The following ATRX variants were observed in gnomAD, a reference collection of about 807,000 sequenced individuals.
ATRX encodes the protein ATRX chromatin remodeler.
In ATRX, 12 loss-of-function variants were observed where a neutral mutation model predicts 172.6. That is an observed-to-expected ratio of 0.07 (90% CI 0.04 to 0.11). The LOEUF is 0.11. Ranked by LOEUF, ATRX falls within the 10% of genes least tolerant of loss-of-function variation. The pLI, the probability that ATRX is intolerant of heterozygous loss-of-function variation, is 1.00. For missense variants in ATRX, 1,368 were observed against 1,767.4 expected, an observed-to-expected ratio of 0.77 and a Z score of 4.05; for synonymous variants, 674 against 594.7, an observed-to-expected ratio of 1.13 and a Z score of -1.94.
chrX:77,771,503 G>A (rs111727394), intron 1 of ATRX, among the ~76,000 whole-genome samples: 1,493 of 109,547 alleles, frequency 0.014, 20 homozygotes, highest in African/African-American at 0.047. Context: ...CTCCTCTACC[G>A]TATCTCTAGA....
At position 77,600,408 on chromosome X, in the gene ATRX, C is replaced by T. The variant is rs200879233; in HGVS notation, c.5697+26G>A. The T allele has an allele frequency of 5.8e-6, 7 of 1,205,663 alleles. No individual in the cohort carries two copies. The East Asian group carries it at 8.9e-5, about 15-fold the overall frequency. ...AAGTTTATTCTGCTTCCAATAGATG[C>T]TTTTAAACTAAGTTACCTGACTTAC... On this transcript the variant is annotated intron_variant, in intron 23 of 34. Coordinates refer to ENST00000373344, the MANE Select transcript of ATRX (RefSeq NM_000489.6).
At chrX:77,565,068 T>A (rs1414482332) in intron 28 of ATRX, among the ~76,000 whole-genome samples, 1 of 111,087 alleles carries the variant, frequency 9.0e-6, no homozygotes, top group African/African-American at 3.3e-5. Context: ...TATACCACCA[T>A]CCAATAATAA....
At chrX:77,606,419 C>T (rs2066904816) in intron 22 of ATRX, among the ~76,000 whole-genome samples, 1 of 111,069 alleles carries the variant, frequency 9.0e-6, no homozygotes, top group East Asian at 2.8e-4. Flanking sequence ...AGAAGGAATA[C>T]TTCCAAATTC....
At chrX:77,552,863 T>C (rs188485681) in intron 30 of ATRX, among the ~76,000 whole-genome samples, 210 of 110,849 alleles carry the variant, frequency 1.9e-3, no homozygotes, top group African/African-American at 6.4e-3. Flanking sequence ...TAATCACATA[T>C]CAAGTAAGTT....
intron 12 of ATRX, among the ~76,000 whole-genome samples, chrX:77,657,328 T>C (rs1335160094): frequency 9.0e-6 from 1 of 111,667 alleles, no homozygotes; most frequent in East Asian, 2.8e-4. Flanking sequence ...CAATTTTCTT[T>C]TTCTCACAAT....
chrX:77,614,327 C>A (rs1282392892), intron 22 of ATRX, among the ~76,000 whole-genome samples: 1 of 111,771 alleles, frequency 8.9e-6, no homozygotes, highest in Non-Finnish European at 1.9e-5. Context: ...GAATGTTTTT[C>A]AAAGAGGCTA....
At chrX:77,674,013 C>T (rs1425104700) in intron 10 of ATRX, 4 of 110,870 alleles carry the variant, frequency 3.6e-5, no homozygotes, top group African/African-American at 6.5e-5. Context: ...AATACACTAT[C>T]GCTTCATAAA....
intron 22 of ATRX, among the ~76,000 whole-genome samples, chrX:77,608,647 A>C (rs2067024026): frequency 8.9e-6 from 1 of 111,891 alleles, no homozygotes; most frequent in Admixed American, 9.5e-5. Flanking sequence ...AAGAGAAACC[A>C]CTGGAGAAAC....
intron 28 of ATRX, among the ~76,000 whole-genome samples, chrX:77,569,255 T>C (rs1557066182): frequency 9.0e-6 from 1 of 111,641 alleles, no homozygotes; most frequent in Non-Finnish European, 1.9e-5. Context: ...CTACTAACTA[T>C]ATTACTCTTA....
At position 77,682,190 on chromosome X, in the gene ATRX, T is replaced by C; in HGVS notation, c.3066A>G (p.Arg1022=). Residue 1022 remains arginine, a synonymous_variant, in exon 9 of 35, where the codon CGA becomes CGG. Transcript: ENST00000373344. ...CCTTAGGAAAATGACAAATTTCTTC[T>C]CGCTCAGGTAACTTTTCAGTGCCAT... ...SSDGTEKLPE[R]EEICHFPKGI... is the part of the protein sequence containing the mutation. 1.7e-6 allele frequency: 2 copies of C among 1,211,497 alleles called. No homozygotes were observed. The highest frequency in any genetic ancestry group is 1.8e-5 in the South Asian group (1 of 56,849).
intron 27 of ATRX, among the ~76,000 whole-genome samples, chrX:77,582,589 A>G (rs1557074665): frequency 9.0e-6 from 1 of 111,212 alleles, no homozygotes; most frequent in East Asian, 2.8e-4. Flanking sequence ...AACAAAACTG[A>G]CAAACTTTGA....
chrX:77,728,551 T>C (rs1421430302), intron 1 of ATRX, among the ~76,000 whole-genome samples: 1 of 111,398 alleles, frequency 9.0e-6, no homozygotes, highest in Non-Finnish European at 1.9e-5. Context: ...TTAAATGTGA[T>C]AGCATTTTTT....
intron 27 of ATRX, among the ~76,000 whole-genome samples, chrX:77,584,244 C>A (rs1316797025): frequency 9.0e-6 from 1 of 111,117 alleles, no homozygotes; most frequent in African/African-American, 3.3e-5. Flanking sequence ...TCCATACTAC[C>A]CAAAGCAATC....
intron 19 of ATRX, among the ~76,000 whole-genome samples, chrX:77,627,660 G>A (rs1422712270): frequency 1.5e-4 from 16 of 104,568 alleles, no homozygotes; most frequent in African/African-American, 5.7e-4. Context: ...TCAGGAGTTC[G>A]AGACCAGCCT....
intron 13 of ATRX, 100 bp from the exon 14 acceptor site, chrX:77,654,300 T>G (rs781900781): frequency 3.1e-6 from 2 of 654,697 alleles, no homozygotes; most frequent in African/African-American, 4.4e-5. Flanking sequence ...TATGCATTCC[T>G]AAAAACAAAC....
Position 77,685,021 on chromosome X carries a change from G to C in ATRX, c.595-15C>G. The C allele has an allele frequency of 1.8e-6, 2 of 1,136,667 alleles. No homozygotes were observed. The highest frequency in any genetic ancestry group is 2.4e-6 in the Non-Finnish European group (2 of 828,242). The allele number at this position is 1,136,667 out of a possible 1,213,427, so 93.7% of individuals were successfully genotyped here. A position where few individuals can be genotyped will look rare whatever the true frequency, so the allele number is the denominator to read the frequency against. ...TTAAAGCAATTCTATTAAAAGAAAA[G>C]AGGAAGGGGAAATTTAATTCGAAAT... is the stretch of plus-strand genomic sequence containing the variant. On this transcript the variant is annotated splice_polypyrimidine_tract_variant and intron_variant, in intron 7 of 34. Transcript: ENST00000373344.
intron 1 of ATRX, among the ~76,000 whole-genome samples, chrX:77,755,622 T>A (rs1186882404): frequency 8.9e-6 from 1 of 111,934 alleles, no homozygotes; most frequent in Non-Finnish European, 1.9e-5. Context: ...TTGCTAAAGG[T>A]CCACTCCTGA....
At chrX:77,685,130 C>G in intron 7 of ATRX, 124 bp from the exon 8 acceptor site, 1 of 546,002 alleles carries the variant, frequency 1.8e-6, no homozygotes. Context: ...CTGGTGTGGG[C>G]AAAGATTTAT....
intron 9 of ATRX, among the ~76,000 whole-genome samples, chrX:77,676,658 C>G (rs946392155): frequency 3.6e-5 from 4 of 112,113 alleles, no homozygotes; most frequent in Admixed American, 9.5e-5. Flanking sequence ...TTAACTGGTG[C>G]TGTATCTTCG....
Sources: allele counts gnomAD v4.1 joint callset (sites outside exome capture counted in the v4.1 genomes callset), GRCh38; gene constraint gnomAD v4.1.1; transcripts MANE v1.5; gene names NCBI Gene and HGNC (gene_info 2026-07-23, HGNC 2026-07-21).